The following KCNK1 variants were observed in gnomAD, a reference collection of about 807,000 sequenced individuals.
KCNK1 encodes the protein potassium two pore domain channel subfamily K member 1, also known as potassium channel subfamily K member 1.
In KCNK1, 10 loss-of-function variants were observed where a neutral mutation model predicts 22.2. The ratio of observed to expected loss-of-function variants is 0.45; its 90% confidence interval spans 0.28 to 0.76. The LOEUF is 0.76. Among genes scored for constraint, KCNK1 ranks in the 30% least tolerant of loss-of-function variants. The pLI is 0.14. For synonymous variants in KCNK1, 200 were observed against 186.4 expected, an observed-to-expected ratio of 1.07 and a Z score of -0.60; for missense variants, 378 against 421.0, an observed-to-expected ratio of 0.90 and a Z score of 0.89.
chr1:233,647,971 G>T (rs1172937733), intron 1 of KCNK1, among the ~76,000 whole-genome samples: 2 of 152,152 alleles, frequency 1.3e-5, no homozygotes, highest in Admixed American at 1.3e-4. Context: ...TTTGGCCCCT[G>T]TGCTTTTGAA....
intron 1 of KCNK1, among the ~76,000 whole-genome samples, chr1:233,643,447 T>C (rs1160725300): frequency 6.6e-6 from 1 of 152,220 alleles, no homozygotes; most frequent in Admixed American, 6.5e-5. Flanking sequence ...TAAAACATTT[T>C]CTGTGATGAG....
At chr1:233,628,135 C>T (rs778384488) in intron 1 of KCNK1, among the ~76,000 whole-genome samples, 1 of 152,206 alleles carries the variant, frequency 6.6e-6, no homozygotes, top group Non-Finnish European at 1.5e-5. Flanking sequence ...ACAAGCTCAG[C>T]TAAGGGTGGT....
intron 1 of KCNK1, among the ~76,000 whole-genome samples, chr1:233,639,684 A>C (rs532485748): frequency 1.3e-5 from 2 of 152,154 alleles, no homozygotes; most frequent in African/African-American, 4.8e-5. Context: ...GTTCAATTAC[A>C]AAAAAAACAA....
At chr1:233,633,549 G>A (rs1253804627) in intron 1 of KCNK1, among the ~76,000 whole-genome samples, 3 of 152,078 alleles carry the variant, frequency 2.0e-5, no homozygotes, top group Non-Finnish European at 4.4e-5. Context: ...TTATCAAATA[G>A]GCCTATCTCT....
At chr1:233,645,592 G>A (rs534905625) in intron 1 of KCNK1, among the ~76,000 whole-genome samples, 1 of 152,314 alleles carries the variant, frequency 6.6e-6, no homozygotes, top group South Asian at 2.1e-4. Flanking sequence ...CTGCTTCGAG[G>A]CACTGCTAAT....
In KCNK1 at chr1:233,648,947, A is replaced by G. The variant is rs564261889; in HGVS notation, c.356-17648A>G. Among the ~76,000 whole-genome samples the G allele has an allele frequency of 4.6e-5, 7 of 152,136 alleles. No homozygotes were observed. In the East Asian group the frequency reaches 1.4e-3, roughly 29 times the overall value. ...TGCTCCATACCTTCTTTATTCTGGGACCAAGCTGGAGAGATGAGTCTCTAT... is the reference window on the plus strand; with the variant it reads ...TGCTCCATACCTTCTTTATTCTGGGGCCAAGCTGGAGAGATGAGTCTCTAT... On this transcript the variant is annotated intron_variant, in intron 1 of 2. Transcript: ENST00000366621.
intron 1 of KCNK1, among the ~76,000 whole-genome samples, chr1:233,639,915 G>T (rs921189195): frequency 6.6e-6 from 1 of 152,192 alleles, no homozygotes; most frequent in Admixed American, 6.5e-5. Context: ...TTCCTGCTCT[G>T]GGCAGTTGGT....
chr1:233,667,414 G>A (rs1013048427), intron 2 of KCNK1, among the ~76,000 whole-genome samples: 5 of 152,030 alleles, frequency 3.3e-5, no homozygotes, highest in African/African-American at 1.2e-4. Context: ...AATAATGTAG[G>A]CGTTATAAAT....
chr1:233,621,107 A>G (rs769746837), intron 1 of KCNK1, among the ~76,000 whole-genome samples: 4 of 152,210 alleles, frequency 2.6e-5, no homozygotes, highest in Non-Finnish European at 5.9e-5. Flanking sequence ...AGACCTTGTT[A>G]TGGGCCAAAT....
At chr1:233,642,935 ATTT>A (rs11459973) in intron 1 of KCNK1, among the ~76,000 whole-genome samples, 2 of 133,150 alleles carry the variant, frequency 1.5e-5, no homozygotes, top group Non-Finnish European at 3.2e-5. Flanking sequence ...CACCCGGCTA[ATTT>A]TTTTTTTTTT....
chr1:233,614,589 G>A, intron 1 of KCNK1, 63 bp downstream of exon 1: 1 of 1,313,330 alleles, frequency 7.6e-7, no homozygotes, highest in Non-Finnish European at 1.0e-6. Flanking sequence ...ACACACCCCG[G>A]CCCCGGCGCC....
intron 2 of KCNK1, among the ~76,000 whole-genome samples, chr1:233,668,806 C>T (rs1475664541): frequency 1.3e-5 from 2 of 152,146 alleles, no homozygotes; most frequent in African/African-American, 4.8e-5. Flanking sequence ...AGGGTTTCAC[C>T]ATGTTGGCCA....
chr1:233,627,831 A>G (rs1444474569), intron 1 of KCNK1, among the ~76,000 whole-genome samples: 2 of 152,178 alleles, frequency 1.3e-5, no homozygotes, highest in Non-Finnish European at 2.9e-5. Context: ...CAAAAAAGCA[A>G]ATTTCTGTTA....
rs1027331077 is a variant in KCNK1, at chr1:233,652,265, A to T, written c.356-14330A>T. Among the ~76,000 whole-genome samples, 3 of 152,242 alleles carry T rather than the reference A, an allele frequency of 2.0e-5. No individual in the cohort carries two copies. In the Middle Eastern group the frequency reaches 0.01, roughly 518 times the overall value. On this transcript the variant is annotated intron_variant, in intron 1 of 2. Coordinates refer to ENST00000366621, the MANE Select transcript of KCNK1 (RefSeq NM_002245.4). ...CATTCTATCTCAGAGTAAATTCTGG[A>T]AACATCCAGGGATTTCTTTCTCCAG...
In KCNK1 at chr1:233,662,667, C is replaced by G. The variant is rs139214792; in HGVS notation, c.356-3928C>G. Reference sequence around the variant, plus strand: ...ATTTAGTAGGGGACTGTCATCATTACAACCACCCATTATACGTATACTCAT... The same window carrying G: ...ATTTAGTAGGGGACTGTCATCATTAGAACCACCCATTATACGTATACTCAT... On this transcript the variant is annotated intron_variant, in intron 1 of 2. Transcript: ENST00000366621. Among the ~76,000 whole-genome samples the G allele has an allele frequency of 4.1e-3, 625 of 152,314 alleles. 7 individuals are homozygous for G. The highest frequency in any genetic ancestry group is 5.9e-3 in the Non-Finnish European group (404 of 68,024).
intron 1 of KCNK1, among the ~76,000 whole-genome samples, chr1:233,638,862 A>G (rs1657957037): frequency 6.6e-6 from 1 of 152,200 alleles, no homozygotes; most frequent in Non-Finnish European, 1.5e-5. Context: ...TTCTTCCTAC[A>G]TTTGGCTCTG....
At chr1:233,669,341 A>G (rs930548216) in intron 2 of KCNK1, among the ~76,000 whole-genome samples, 1 of 152,206 alleles carries the variant, frequency 6.6e-6, no homozygotes, top group Non-Finnish European at 1.5e-5. Flanking sequence ...ATAATACTAA[A>G]TCCTTGCATA....
At chr1:233,650,461 G>T (rs1658180851) in intron 1 of KCNK1, among the ~76,000 whole-genome samples, 1 of 152,228 alleles carries the variant, frequency 6.6e-6, no homozygotes, top group Non-Finnish European at 1.5e-5. Context: ...TAGTTCATTT[G>T]TAACTAGTAT....
At chr1:233,636,765 A>AT (rs1657905370) in intron 1 of KCNK1, among the ~76,000 whole-genome samples, 1 of 151,862 alleles carries the variant, frequency 6.6e-6, no homozygotes, top group African/African-American at 2.4e-5. Context: ...TCCCTCTAGG[A>AT]CAAGGGATCA....
Sources: gnomAD v4.1 joint callset for allele counts (sites outside exome capture counted in the v4.1 genomes callset) on GRCh38, gnomAD v4.1.1 for gene constraint, MANE v1.5 for transcripts, NCBI Gene and HGNC (gene_info 2026-07-23, HGNC 2026-07-21) for gene names.